CDH4: variants seen among roughly 807,000 people sequenced by gnomAD.
CDH4 encodes the protein cadherin 4, also known as cadherin-4.
Under a neutral mutation model 86.0 loss-of-function variants are expected in CDH4, and 33 were observed. The observed-to-expected ratio is 0.38, with a 90% CI of 0.29 to 0.51. CDH4 has a LOEUF of 0.51. Ranked by LOEUF, CDH4 falls within the 20% of genes least tolerant of loss-of-function variation. CDH4 has a pLI of 0.86. For missense variants in CDH4, 1,114 were observed against 1,307.4 expected (o/e 0.85, Z 2.28); for synonymous variants, 555 against 549.4 (o/e 1.01, Z -0.14).
At chr20:61,917,456 G>A (rs1351483094) in intron 9 of CDH4, among the ~76,000 whole-genome samples, 3 of 152,244 alleles carry the variant, frequency 2.0e-5, no homozygotes, top group Non-Finnish European at 4.4e-5. Flanking sequence ...TTCCCCTTCG[G>A]GCAGCAACAG....
At chr20:61,826,320 C>A (rs1455761394) in intron 4 of CDH4, among the ~76,000 whole-genome samples, 4 of 152,248 alleles carry the variant, frequency 2.6e-5, no homozygotes, top group Admixed American at 2.6e-4. Flanking sequence ...CAGCTAAGCT[C>A]CCGGCCCAGC....
intron 2 of CDH4, among the ~76,000 whole-genome samples, chr20:61,353,944 C>T (rs1467883067): frequency 6.6e-6 from 1 of 151,924 alleles, no homozygotes; most frequent in African/African-American, 2.4e-5. Flanking sequence ...GCTGAAAGGA[C>T]TTATCTTCTG....
rs561421014 is a variant in CDH4, at chr20:61,869,680, C to T, written c.878-4048C>T. ...ACCCTCTCACGTCCACATCCTGGCC[C>T]GCCTTTTCCCCAGGTCCCCAAGCCT... is the stretch of plus-strand genomic sequence containing the variant. On this transcript the variant is annotated intron_variant, in intron 6 of 15. Transcript: ENST00000614565. Among the ~76,000 whole-genome samples, 10 of 152,352 alleles carry T rather than the reference C, an allele frequency of 6.6e-5. No homozygotes were observed. The South Asian group carries it at 1.0e-3, about 16-fold the overall frequency.
At chr20:61,742,986 A>G (rs1037868627) in intron 2 of CDH4, among the ~76,000 whole-genome samples, 12 of 152,306 alleles carry the variant, frequency 7.9e-5, no homozygotes, top group African/African-American at 2.6e-4. Context: ...GGCCATTTGC[A>G]GGCATCAGGT....
intron 2 of CDH4, among the ~76,000 whole-genome samples, chr20:61,396,230 G>A (rs6142812): frequency 0.13 from 20,222 of 152,056 alleles, 1,619 homozygotes; most frequent in East Asian, 0.27. Context: ...AACTCAGGTC[G>A]GGGTGGAGGG....
intron 4 of CDH4, among the ~76,000 whole-genome samples, chr20:61,791,760 G>A (rs1979213803): frequency 6.6e-6 from 1 of 152,214 alleles, no homozygotes; most frequent in Admixed American, 6.5e-5. Flanking sequence ...ATGCTGAACT[G>A]GGCCTGCATG....
At chr20:61,366,939 G>A (rs2084813357) in intron 2 of CDH4, among the ~76,000 whole-genome samples, 1 of 152,108 alleles carries the variant, frequency 6.6e-6, no homozygotes. Flanking sequence ...CGGGGTCATA[G>A]CCCTGGACAA....
chr20:61,591,165 C>A (rs866799645), intron 2 of CDH4, among the ~76,000 whole-genome samples: 1 of 152,026 alleles, frequency 6.6e-6, no homozygotes, highest in Middle Eastern at 3.4e-3. Context: ...AAGAGGCGGA[C>A]CCACTGATAA....
At chr20:61,457,860 GTGGTGA>G (rs1356737886) in intron 2 of CDH4, among the ~76,000 whole-genome samples, 3 of 151,818 alleles carry the variant, frequency 2.0e-5, no homozygotes, top group South Asian at 4.2e-4. Flanking sequence ...ACTGGTGGTG[GTGGTGA>G]TGGTGATGGT....
intron 6 of CDH4, among the ~76,000 whole-genome samples, chr20:61,865,696 T>C (rs1600722149): frequency 6.6e-6 from 1 of 151,366 alleles, no homozygotes; most frequent in African/African-American, 2.4e-5. Context: ...TCCTGGCTGG[T>C]TTGTGTATGT....
intron 2 of CDH4, among the ~76,000 whole-genome samples, chr20:61,735,303 G>C (rs73915380): frequency 2.0e-5 from 3 of 152,184 alleles, no homozygotes; most frequent in Non-Finnish European, 2.9e-5. Context: ...TTCACATAAC[G>C]TAAATGTCCC....
intron 2 of CDH4, among the ~76,000 whole-genome samples, chr20:61,697,247 A>C (rs899856655): frequency 1.3e-5 from 2 of 152,226 alleles, no homozygotes; most frequent in Non-Finnish European, 2.9e-5. Flanking sequence ...AGCCCAGTTC[A>C]TAGGGCCCAC....
chr20:61,570,436 T>G, intron 2 of CDH4: 1 of 521,704 alleles, frequency 1.9e-6, no homozygotes, highest in South Asian at 2.5e-5. Context: ...GCAGCCCTGG[T>G]GCTGCCTTGA....
rs183606971 is a variant in CDH4 at position 61,831,955 on chromosome 20, A to G, written c.577-12713A>G. On this transcript the variant is annotated intron_variant, in intron 4 of 15. Transcript: ENST00000614565. ...GCTGGAAGCCTCGGGCCTGGGCAGG[A>G]GCGGCTGGAGCCTGCCTGCATCCAC... Among the ~76,000 whole-genome samples the G allele has an allele frequency of 2.6e-5, 4 of 152,372 alleles. No individual in the cohort carries two copies. The East Asian group carries it at 7.7e-4, about 29-fold the overall frequency.
intron 2 of CDH4, among the ~76,000 whole-genome samples, chr20:61,512,741 G>A (rs776744524): frequency 7.2e-5 from 11 of 152,340 alleles, no homozygotes; most frequent in South Asian, 2.1e-4. Context: ...CTTGGGGGCC[G>A]CCGCTGATGA....
intron 2 of CDH4, among the ~76,000 whole-genome samples, chr20:61,261,244 C>G (rs1381190108): frequency 1.3e-5 from 2 of 152,122 alleles, no homozygotes; most frequent in Non-Finnish European, 2.9e-5. Context: ...GGATTCCCAC[C>G]CTGCAAGATT....
chr20:61,892,810 A>G (rs1037977922), intron 7 of CDH4, among the ~76,000 whole-genome samples: 1 of 152,098 alleles, frequency 6.6e-6, no homozygotes, highest in Non-Finnish European at 1.5e-5. Flanking sequence ...GGGCTCATTC[A>G]TCCATCTCTC....
At chr20:61,922,690 C>T (rs1398038304) in intron 9 of CDH4, among the ~76,000 whole-genome samples, 1 of 152,236 alleles carries the variant, frequency 6.6e-6, no homozygotes, top group Non-Finnish European at 1.5e-5. Flanking sequence ...TGCCTCACTC[C>T]AGACTGCACC....
At chr20:61,547,575 TGGGGTGGGGGTG>T (rs1188663497) in intron 2 of CDH4, among the ~76,000 whole-genome samples, 1 of 79,088 alleles carries the variant, frequency 1.3e-5, no homozygotes, top group East Asian at 4.4e-4. Context: ...CTGTTGACCC[TGGGGTGGGGGTG>T]GGGGTGGGGG....
Sources: allele counts gnomAD v4.1 joint callset (sites outside exome capture counted in the v4.1 genomes callset), GRCh38; gene constraint gnomAD v4.1.1; transcripts MANE v1.5; gene names NCBI Gene and HGNC (gene_info 2026-07-23, HGNC 2026-07-21).